The following GRID1 variants were observed in gnomAD, a reference collection of about 807,000 sequenced individuals.
GRID1 encodes glutamate receptor ionotropic, delta-1.
GRID1 carries 28 observed loss-of-function variants against 98.0 expected under a neutral mutation model. The ratio of observed to expected loss-of-function variants is 0.29; its 90% CI spans 0.21 to 0.39. GRID1 has a LOEUF of 0.39. Ranked by LOEUF, GRID1 falls within the 10% of genes least tolerant of loss-of-function variation. The pLI, the probability that GRID1 is intolerant of heterozygous loss-of-function variation, is 1.00. For missense variants in GRID1, 1,111 were observed against 1,340.5 expected (o/e 0.83, Z 2.67); for synonymous variants, 553 against 538.5 (o/e 1.03, Z -0.37).
intron 5 of GRID1, among the ~76,000 whole-genome samples, chr10:85,869,582 T>C (rs1843256529): frequency 6.6e-6 from 1 of 152,218 alleles, no homozygotes; most frequent in Admixed American, 6.5e-5. Context: ...TTGATCAATA[T>C]ACAATGAGTT....
intron 4 of GRID1, among the ~76,000 whole-genome samples, chr10:85,965,478 C>T (rs565277086): frequency 5.3e-5 from 8 of 152,248 alleles, no homozygotes; most frequent in African/African-American, 1.7e-4. Flanking sequence ...GAGTTCATGT[C>T]CTTTGCAGGG....
At chr10:85,662,366 G>C (rs1467464649) in intron 12 of GRID1, among the ~76,000 whole-genome samples, 4 of 152,202 alleles carry the variant, frequency 2.6e-5, no homozygotes, top group African/African-American at 9.6e-5. Flanking sequence ...GAGGGTGCTT[G>C]GCTTGAGGAG....
chr10:86,113,944 C>T (rs974566048), intron 4 of GRID1, among the ~76,000 whole-genome samples: 3 of 152,166 alleles, frequency 2.0e-5, no homozygotes, highest in African/African-American at 7.2e-5. Context: ...AATAGGTTTC[C>T]TTAATCGATG....
At chr10:86,312,525 T>C (rs146812565) in intron 2 of GRID1, among the ~76,000 whole-genome samples, 270 of 152,274 alleles carry the variant, frequency 1.8e-3, no homozygotes, top group African/African-American at 5.9e-3. Context: ...CCGAAGTCCA[T>C]GGAGAGGCCC....
rs531074795 is a variant in GRID1 at position 86,362,214 on chromosome 10, T to C, written c.235+1727A>G. 6.0e-4 allele frequency among the ~76,000 whole-genome samples: 92 copies of C among 152,256 alleles called. 1 individual carries two copies. Among genetic ancestry groups the C allele is most frequent in the Middle Eastern group, 3.4e-3 (1 of 294 alleles). ...GTGGAACCAGTGTCAAGGGAACAGG[T>C]GGCACTGTGAAAGTTGTAGCTTGTC... On this transcript the variant is annotated intron_variant, in intron 2 of 15. Coordinates refer to ENST00000327946, the MANE Select transcript of GRID1 (RefSeq NM_017551.3).
At chr10:85,680,529 T>C (rs1051783904) in intron 12 of GRID1, among the ~76,000 whole-genome samples, 1 of 152,154 alleles carries the variant, frequency 6.6e-6, no homozygotes, top group African/African-American at 2.4e-5. Flanking sequence ...ATTGGTGGGA[T>C]GTAAATTAGC....
At chr10:86,273,256 G>A (rs1219809382) in intron 2 of GRID1, among the ~76,000 whole-genome samples, 4 of 148,586 alleles carry the variant, frequency 2.7e-5, no homozygotes, top group East Asian at 1.9e-4. Context: ...CATTTTTTAT[G>A]GCTGCATAGT....
intron 8 of GRID1, among the ~76,000 whole-genome samples, chr10:85,773,963 G>C (rs1026823156): frequency 1.2e-4 from 19 of 152,080 alleles, no homozygotes; most frequent in African/African-American, 4.3e-4. Context: ...TCACAGATTT[G>C]GAAAAGACTA....
At chr10:85,945,252 A>AT (rs1167826460) in intron 4 of GRID1, among the ~76,000 whole-genome samples, 1 of 152,264 alleles carries the variant, frequency 6.6e-6, no homozygotes, top group Non-Finnish European at 1.5e-5. Context: ...ATAAGTTATG[A>AT]TTTACTGTGA....
At chr10:86,194,859 C>A (rs546803853) in intron 3 of GRID1, among the ~76,000 whole-genome samples, 62 of 152,132 alleles carry the variant, frequency 4.1e-4, no homozygotes, top group African/African-American at 1.4e-3. Context: ...CTATGGTGAG[C>A]ACTGCACAGC....
intron 12 of GRID1, among the ~76,000 whole-genome samples, chr10:85,670,667 A>T (rs1564554537): frequency 1.3e-5 from 2 of 152,068 alleles, no homozygotes; most frequent in East Asian, 3.9e-4. Context: ...CTCGTGGCCA[A>T]CTGGCTTCTG....
At chr10:85,758,301 A>C (rs73328687) in intron 8 of GRID1, among the ~76,000 whole-genome samples, 2,570 of 152,304 alleles carry the variant, frequency 0.017, 70 homozygotes, top group African/African-American at 0.059. Context: ...ACTCTTTTGC[A>C]GTTTGGACAG....
intron 4 of GRID1, among the ~76,000 whole-genome samples, chr10:85,923,978 A>T (rs79687918): frequency 3.3e-5 from 5 of 152,024 alleles, no homozygotes; most frequent in Non-Finnish European, 5.9e-5. Flanking sequence ...ATTTTTTTGC[A>T]TATGGGGAGT....
At chr10:85,849,130 C>A (rs1425658956) in intron 8 of GRID1, among the ~76,000 whole-genome samples, 1 of 152,172 alleles carries the variant, frequency 6.6e-6, no homozygotes, top group Admixed American at 6.5e-5. Context: ...TACGAGTTAG[C>A]CTTTTCAACC....
At chr10:85,686,308 A>T (rs1272129850) in intron 12 of GRID1, among the ~76,000 whole-genome samples, 1 of 152,158 alleles carries the variant, frequency 6.6e-6, no homozygotes, top group Admixed American at 6.6e-5. Context: ...GTAAACTTGA[A>T]TGCATACTTG....
chr10:86,224,839 C>T (rs1028700475), intron 2 of GRID1, among the ~76,000 whole-genome samples: 7 of 152,208 alleles, frequency 4.6e-5, no homozygotes, highest in African/African-American at 1.7e-4. Flanking sequence ...CCCCAGGAAG[C>T]CCTTGAGATT....
At chr10:86,229,082 G>C (rs946718212) in intron 2 of GRID1, among the ~76,000 whole-genome samples, 3 of 152,110 alleles carry the variant, frequency 2.0e-5, no homozygotes, top group Non-Finnish European at 4.4e-5. Flanking sequence ...TTGTAGCTGG[G>C]GGAGGGTCCC....
chr10:86,140,881 C>T (rs1331897465), intron 3 of GRID1, among the ~76,000 whole-genome samples: 1 of 152,154 alleles, frequency 6.6e-6, no homozygotes, highest in Non-Finnish European at 1.5e-5. Context: ...GTACGGGGAG[C>T]CCACCTCCTG....
chr10:85,695,813 G>C (rs1841386760), intron 12 of GRID1, among the ~76,000 whole-genome samples: 1 of 152,124 alleles, frequency 6.6e-6, no homozygotes, highest in Non-Finnish European at 1.5e-5. Flanking sequence ...TTGCATGGCA[G>C]AGCTGTAAAG....
Sources: gnomAD v4.1 joint callset for allele counts (sites outside exome capture counted in the v4.1 genomes callset) on GRCh38, gnomAD v4.1.1 for gene constraint, MANE v1.5 for transcripts, NCBI Gene and HGNC (gene_info 2026-07-23, HGNC 2026-07-21) for gene names.